F5: variants seen among roughly 807,000 people sequenced by gnomAD.
F5 encodes activated protein c cofactor.
In F5, 138 loss-of-function variants were observed where a neutral mutation model predicts 216.4. That is an observed-to-expected ratio of 0.64 (90% confidence interval 0.56 to 0.73). The LOEUF (loss-of-function observed/expected upper bound fraction) is 0.73, where lower values mean the gene tolerates loss of function less well. Ranked by LOEUF, F5 falls within the 30% of genes least tolerant of loss-of-function variation. The pLI is 0.00. For synonymous variants in F5, 916 were observed against 930.7 expected, an observed-to-expected ratio of 0.98 and a Z score of 0.29; for missense variants, 2,403 against 2,674.0, an observed-to-expected ratio of 0.90 and a Z score of 2.24.
chr1:169,554,360 G>A (rs573254888), intron 7 of F5, among the ~76,000 whole-genome samples: 84 of 152,204 alleles, frequency 5.5e-4, no homozygotes, highest in South Asian at 1.0e-3. Flanking sequence ...AGAACTTTTT[G>A]TATTAGTACA....
chr1:169,539,338 A>C (rs1557572), intron 13 of F5, among the ~76,000 whole-genome samples: 59,455 of 152,026 alleles, frequency 0.39, 12,681 homozygotes, highest in East Asian at 0.9. Context: ...GCAACTCCGA[A>C]TGCCATAAAA....
At chr1:169,521,093 A>G (rs908335634) in intron 21 of F5, among the ~76,000 whole-genome samples, 1 of 152,176 alleles carries the variant, frequency 6.6e-6, no homozygotes, top group African/African-American at 2.4e-5. Flanking sequence ...TTCTCTAACC[A>G]AAGTACCAGT....
intron 9 of F5, 107 bp downstream of exon 9, chr1:169,550,533 A>G (rs1660143912): frequency 2.4e-6 from 2 of 817,158 alleles, no homozygotes; most frequent in South Asian, 2.8e-5. Flanking sequence ...CTACATGTAT[A>G]CTACCTGACT....
rs1659835506 is a variant in F5 at position 169,541,156 on chromosome 1, G to C, written c.3934C>G (p.Leu1312Val). Residue 1312 changes from leucine (L) to valine (V), a missense_variant, in exon 13 of 25, where the codon CTT becomes GTT. Coordinates refer to ENST00000367797, the MANE Select transcript of F5 (RefSeq NM_000130.5). ...TLSPELSQTN[L>V]SPALGQMPIS... ...GGCATCTGACCGAGGGCTGGGGAAA[G>C]GTTTGTCTGACTGAGTTCTGGAGAG... 2 of 1,574,424 alleles carry C rather than the reference G, an allele frequency of 1.3e-6. No homozygotes were observed. Among genetic ancestry groups the C allele is most frequent in the Non-Finnish European group, 1.7e-6 (2 of 1,158,294 alleles).
chr1:169,519,810 G>T (rs1444069008), intron 22 of F5, among the ~76,000 whole-genome samples: 1 of 152,214 alleles, frequency 6.6e-6, no homozygotes, highest in Non-Finnish European at 1.5e-5. Flanking sequence ...ACCTCAGAAT[G>T]CCAGGCAGAT....
intron 5 of F5, among the ~76,000 whole-genome samples, chr1:169,558,277 T>C (rs1273264115): frequency 6.6e-6 from 1 of 152,152 alleles, no homozygotes; most frequent in Non-Finnish European, 1.5e-5. Flanking sequence ...AAGCTCCTAG[T>C]ATTGGAACTT....
Position 169,559,252 on chromosome 1 carries a change from T to C in F5, c.631A>G (p.Ile211Val). ...GGTQKTFDKQ[I>V]VLLFAVFDES... ...TCAAACACAGCAAATAGTAGCACGA[T>C]TTGCTTGTCAAACGTCTTCTGTGTC... is the stretch of plus-strand genomic sequence containing the variant. The change falls in exon 5 of 25, where the codon ATC becomes GTC. Residue 211 changes from isoleucine (I) to valine (V), a missense_variant. Physicochemically the swap from Ile to Val is conservative, Grantham distance 29 (BLOSUM62 3). Transcript: ENST00000367797. 1 of 1,613,782 alleles carries C rather than the reference T, an allele frequency of 6.2e-7. No individual in the cohort carries two copies. Among genetic ancestry groups the C allele is most frequent in the Non-Finnish European group, 8.5e-7 (1 of 1,179,772 alleles).
intron 3 of F5, among the ~76,000 whole-genome samples, chr1:169,565,870 A>G (rs1660587223): frequency 6.6e-6 from 1 of 152,074 alleles, no homozygotes; most frequent in African/African-American, 2.4e-5. Context: ...ACTAATAACT[A>G]ATATTTACTC....
rs6034 is a variant in F5 at position 169,529,782 on chromosome 1, G to C, written c.5245C>G (p.Leu1749Val). The change falls in exon 16 of 25, where the codon CTA becomes GTA. Residue 1749 changes from leucine (L) to valine (V), a missense_variant. Coordinates refer to ENST00000367797, the MANE Select transcript of F5 (RefSeq NM_000130.5). ...DIHSGLIGPL[L>V]ICQKGILHKD... Reference sequence around the variant, plus strand: ...TGTAGTATTCCTTTTTGGCAGATTAGGAGGGGACCTATCAAGCCTGAGTGA... The same window carrying C: ...TGTAGTATTCCTTTTTGGCAGATTACGAGGGGACCTATCAAGCCTGAGTGA... The C allele has an allele frequency of 2.0e-3, 3,264 of 1,613,546 alleles. 13 individuals carry two copies. Among genetic ancestry groups the C allele is most frequent in the South Asian group, 8.6e-3 (780 of 91,068 alleles).
intron 3 of F5, 58 bp downstream of exon 3, chr1:169,572,163 G>T: frequency 6.5e-7 from 1 of 1,540,288 alleles, no homozygotes; most frequent in African/African-American, 1.4e-5. Context: ...AAATGTTGAT[G>T]CTGGTATTAA....
chr1:169,527,812 C>A, intron 17 of F5, 103 bp downstream of exon 17: 1 of 1,434,326 alleles, frequency 7.0e-7, no homozygotes, highest in South Asian at 1.2e-5. Flanking sequence ...TGTGTTCTGA[C>A]CCCTTAGGAA....
chr1:169,550,858 G>A, intron 8 of F5, 119 bp from the exon 9 acceptor site: 1 of 748,788 alleles, frequency 1.3e-6, no homozygotes, highest in Non-Finnish European at 2.3e-6. Context: ...TGTACACACA[G>A]TAGGAAAATT....
chr1:169,546,295 T>C, intron 11 of F5, 147 bp downstream of exon 11: 1 of 976,430 alleles, frequency 1.0e-6, no homozygotes, highest in Non-Finnish European at 1.6e-6. Flanking sequence ...CACCCACGGA[T>C]TTCATCACCA....
At chr1:169,577,581 A>T (rs868696681) in intron 2 of F5, among the ~76,000 whole-genome samples, 1 of 105,718 alleles carries the variant, frequency 9.5e-6, no homozygotes, top group Non-Finnish European at 1.9e-5. Flanking sequence ...ATATATATAT[A>T]TATATATATA....
chr1:169,521,193 C>A (rs1359841938), intron 21 of F5, among the ~76,000 whole-genome samples: 1 of 152,164 alleles, frequency 6.6e-6, no homozygotes, highest in Non-Finnish European at 1.5e-5. Flanking sequence ...TGAGGCCCCT[C>A]CCCAACCCAC....
intron 17 of F5, among the ~76,000 whole-genome samples, chr1:169,527,429 A>G (rs1480696842): frequency 6.6e-6 from 1 of 152,154 alleles, no homozygotes; most frequent in Non-Finnish European, 1.5e-5. Context: ...AACTTTTATT[A>G]TTATTTTTTA....
rs1310557336 is a variant in F5, at chr1:169,540,756, G to A, written c.4334C>T (p.Thr1445Ile). ...QVTLSPDISDTTLLPDLSQIS... is the reference protein window; with the variant it reads ...QVTLSPDISDITLLPDLSQIS... The stretch of plus-strand genomic sequence containing the variant: ...CTGGCTGAGATCCGGGAGAAGGGTG[G>A]TGTCACTGATGTCTGGAGAGAGAGT... The change falls in exon 13 of 25, where the codon ACC becomes ATC. Residue 1445 changes from threonine (T) to isoleucine (I), a missense_variant. By Grantham distance (89) the Thr-to-Ile change is moderately conservative. This residue lies in a region of F5 where 293 missense variants were observed against 270.8 expected (regional missense o/e 1.08). Transcript: ENST00000367797. 1.2e-6 allele frequency: 2 copies of A among 1,614,038 alleles called. No homozygotes were observed. The highest frequency in any genetic ancestry group is 3.3e-5 in the Admixed American group (2 of 59,988).
chr1:169,550,585 G>A, intron 9 of F5, 55 bp downstream of exon 9: 2 of 1,347,482 alleles, frequency 1.5e-6, no homozygotes, highest in Non-Finnish European at 2.1e-6. Flanking sequence ...GCAGAAAAAT[G>A]TGGCAGCCTC....
intron 13 of F5, 85 bp from the exon 14 acceptor site, chr1:169,536,765 A>T (rs1466684062): frequency 1.9e-6 from 2 of 1,072,442 alleles, no homozygotes; most frequent in Non-Finnish European, 2.8e-6. Context: ...TAAATATAGC[A>T]TCTAGCATAG....
Sources: gnomAD v4.1 joint callset for allele counts (sites outside exome capture counted in the v4.1 genomes callset) on GRCh38, gnomAD v4.1.1 for gene constraint, gnomAD v4.1.1 regional missense constraint, MANE v1.5 for transcripts, NCBI Gene and HGNC (gene_info 2026-07-23, HGNC 2026-07-21) for gene names.